CSMD1: variants seen among roughly 807,000 people sequenced by gnomAD.
CSMD1 encodes CUB and sushi domain-containing protein 1.
Under a neutral mutation model 417.5 loss-of-function variants are expected in CSMD1, and 213 were observed. That is an observed-to-expected ratio of 0.51 (90% CI 0.46 to 0.57). The LOEUF is 0.57. CSMD1 is among the 20% of genes least tolerant of loss of function. The pLI is 0.00. For synonymous variants in CSMD1, 2,862 were observed against 1,736.8 expected (o/e 1.65, Z -16.11); for missense variants, 6,923 against 4,529.7 (o/e 1.53, Z -15.17).
chr8:3,117,088 T>A (rs1022010886), intron 42 of CSMD1, among the ~76,000 whole-genome samples: 4 of 152,114 alleles, frequency 2.6e-5, no homozygotes, highest in Non-Finnish European at 5.9e-5. Flanking sequence ...TTATTTATTT[T>A]GAGACAGAGT....
At chr8:3,247,047 G>A (rs924053483) in intron 26 of CSMD1, among the ~76,000 whole-genome samples, 1 of 152,198 alleles carries the variant, frequency 6.6e-6, no homozygotes, top group Admixed American at 6.5e-5. Flanking sequence ...ATTGGTGTAA[G>A]TGAAGATCTA....
chr8:4,578,332 A>AGTTTTTTTTTTTTTTT (rs1799238701), intron 2 of CSMD1, among the ~76,000 whole-genome samples: 1 of 48,776 alleles, frequency 2.1e-5, no homozygotes, highest in African/African-American at 7.6e-5. Flanking sequence ...CACCCGGCTC[A>AGTTTTTTTTTTTTTTT]TTTTTTTTTT....
intron 1 of CSMD1, among the ~76,000 whole-genome samples, chr8:4,749,562 T>A (rs566392040): frequency 6.6e-6 from 1 of 152,340 alleles, no homozygotes; most frequent in Admixed American, 6.5e-5. Context: ...ACCATGCTTG[T>A]TTATTCAGGA....
intron 54 of CSMD1, among the ~76,000 whole-genome samples, chr8:2,986,359 C>T (rs900065529): frequency 6.6e-6 from 1 of 152,070 alleles, no homozygotes; most frequent in East Asian, 1.9e-4. Flanking sequence ...CCCAGGAAGT[C>T]GAGCATGAAC....
chr8:2,949,685 C>T (rs568103775), intron 67 of CSMD1, among the ~76,000 whole-genome samples: 4 of 121,034 alleles, frequency 3.3e-5, no homozygotes, highest in East Asian at 2.7e-4. Context: ...GGAACACAAA[C>T]GTATGAATTA....
At chr8:3,383,719 A>G (rs929626079) in intron 18 of CSMD1, among the ~76,000 whole-genome samples, 1 of 152,084 alleles carries the variant, frequency 6.6e-6, no homozygotes, top group South Asian at 2.1e-4. Context: ...ATTCAGTAAG[A>G]TAAACGCATG....
chr8:3,721,248 T>A (rs967851564), intron 6 of CSMD1, among the ~76,000 whole-genome samples: 5 of 152,180 alleles, frequency 3.3e-5, no homozygotes, highest in African/African-American at 9.7e-5. Flanking sequence ...CAATCATTTT[T>A]TTTCCTTTTA....
chr8:3,641,362 T>A (rs1296967905), intron 7 of CSMD1, among the ~76,000 whole-genome samples: 1 of 152,140 alleles, frequency 6.6e-6, no homozygotes, highest in Non-Finnish European at 1.5e-5. Flanking sequence ...GCCCTTCATT[T>A]GCCACCTTCG....
intron 3 of CSMD1, among the ~76,000 whole-genome samples, chr8:4,248,509 A>G (rs1475853826): frequency 6.6e-6 from 1 of 152,162 alleles, no homozygotes; most frequent in African/African-American, 2.4e-5. Context: ...TTAATATGTC[A>G]ACTTCTAACA....
chr8:4,635,248 C>A (rs1802753140), intron 2 of CSMD1, among the ~76,000 whole-genome samples: 1 of 152,150 alleles, frequency 6.6e-6, no homozygotes, highest in Admixed American at 6.5e-5. Flanking sequence ...ATAAAGCTCT[C>A]TGAGGCACAG....
At chr8:4,521,671 G>T (rs1803457583) in intron 2 of CSMD1, among the ~76,000 whole-genome samples, 1 of 152,178 alleles carries the variant, frequency 6.6e-6, no homozygotes, top group African/African-American at 2.4e-5. Flanking sequence ...CTATTGCGAA[G>T]AAAAGTTGCC....
At chr8:4,726,486 G>C (rs1179148062) in intron 1 of CSMD1, among the ~76,000 whole-genome samples, 12 of 151,754 alleles carry the variant, frequency 7.9e-5, no homozygotes, top group Admixed American at 7.9e-4. Context: ...TTTTTACTTC[G>C]TTTTTCAAAT....
intron 3 of CSMD1, among the ~76,000 whole-genome samples, chr8:4,391,649 G>A (rs1284561005): frequency 6.6e-6 from 1 of 152,006 alleles, no homozygotes; most frequent in African/African-American, 2.4e-5. Context: ...TGGGTTGACT[G>A]GTGAGAAGTG....
intron 1 of CSMD1, among the ~76,000 whole-genome samples, chr8:4,697,473 C>A (rs1807213212): frequency 6.6e-6 from 1 of 152,236 alleles, no homozygotes; most frequent in Non-Finnish European, 1.5e-5. Context: ...AATTTGGCAG[C>A]TATTAGGTAT....
rs912331313 is a variant in CSMD1 at position 3,927,504 on chromosome 8, A to G, written c.818+70399T>C. Reference sequence around the variant, plus strand: ...ACATGGTGAGACCCCATCTCTACTAAAAATACAAAAATTAGCCAGCCGTGG... The same window carrying G: ...ACATGGTGAGACCCCATCTCTACTAGAAATACAAAAATTAGCCAGCCGTGG... On this transcript the variant is annotated intron_variant, in intron 5 of 69. Transcript: ENST00000635120. Among the ~76,000 whole-genome samples, 108 of 151,968 alleles carry G rather than the reference A, an allele frequency of 7.1e-4. 1 individual carries two copies. Among genetic ancestry groups the G allele is most frequent in the Middle Eastern group, 3.4e-3 (1 of 294 alleles).
intron 2 of CSMD1, among the ~76,000 whole-genome samples, chr8:4,565,239 A>G (rs1798533470): frequency 6.6e-6 from 1 of 152,236 alleles, no homozygotes; most frequent in Admixed American, 6.5e-5. Context: ...AAATTGGATT[A>G]AGAATGCCTC....
rs750818272 is a variant in CSMD1, at chr8:4,732,344, C to CGTGTGTGTGTGTGTGTGTGT, written c.86-94806_86-94787dup. Among the ~76,000 whole-genome samples, 76 of 141,136 alleles carry CGTGTGTGTGTGTGTGTGTGT rather than the reference C, an allele frequency of 5.4e-4. 1 individual carries two copies. Among genetic ancestry groups the CGTGTGTGTGTGTGTGTGTGT allele is most frequent in the Non-Finnish European group, 1.1e-3 (70 of 65,450 alleles). The allele number at this position is 141,136 out of a possible 152,430, so 92.6% of individuals were successfully genotyped here. ...AGTTAATAGATTTAAATTTCTTCTG[C>CGTGTGTGTGTGTGTGTGTGT]GTGTGTGTGTGTGTGTGTGTGTGTG... On this transcript the variant is annotated intron_variant, in intron 1 of 69. Coordinates refer to ENST00000635120, the MANE Select transcript of CSMD1 (RefSeq NM_033225.6).
intron 10 of CSMD1, among the ~76,000 whole-genome samples, chr8:3,501,577 T>C (rs1796602594): frequency 6.6e-6 from 1 of 152,176 alleles, no homozygotes; most frequent in Non-Finnish European, 1.5e-5. Flanking sequence ...GGGTTAGAAA[T>C]GACAACTCAG....
intron 1 of CSMD1, among the ~76,000 whole-genome samples, chr8:4,767,608 C>A (rs73177555): frequency 1.3e-5 from 2 of 152,272 alleles, no homozygotes; most frequent in Middle Eastern, 3.4e-3. Flanking sequence ...TCCCTAGGAC[C>A]TGCGACCTGC....
Sources: gnomAD v4.1 joint callset for allele counts (sites outside exome capture counted in the v4.1 genomes callset) on GRCh38, gnomAD v4.1.1 for gene constraint, MANE v1.5 for transcripts, NCBI Gene and HGNC (gene_info 2026-07-23, HGNC 2026-07-21) for gene names.